Variants in KPNA1 observed in about 807,000 individuals in gnomAD.
KPNA1 encodes the protein karyopherin subunit alpha 1, also known as importin subunit alpha-5.
Under a neutral mutation model 70.5 loss-of-function variants are expected in KPNA1, and 10 were observed. The ratio of observed to expected loss-of-function variants is 0.14; its 90% CI spans 0.09 to 0.24. The LOEUF (loss-of-function observed/expected upper bound fraction) is 0.24, where lower values mean the gene tolerates loss of function less well. Among genes scored for constraint, KPNA1 ranks in the 10% least tolerant of loss-of-function variants. The pLI, the probability that KPNA1 is intolerant of heterozygous loss-of-function variation, is 1.00. For missense variants in KPNA1, 397 were observed against 637.9 expected (o/e 0.62, Z 4.07); for synonymous variants, 192 against 221.9 (o/e 0.87, Z 1.20).
intron 6 of KPNA1, among the ~76,000 whole-genome samples, chr3:122,453,081 T>C (rs1158740614): frequency 6.6e-6 from 1 of 152,070 alleles, no homozygotes; most frequent in Non-Finnish European, 1.5e-5. Context: ...CTCAAGCAGC[T>C]GGGACAACAG....
At chr3:122,499,770 A>G (rs2107501831) in intron 1 of KPNA1, among the ~76,000 whole-genome samples, 1 of 152,144 alleles carries the variant, frequency 6.6e-6, no homozygotes, top group East Asian at 1.9e-4. Context: ...AAGAAAAAAA[A>G]AAAAAAAGAG....
chr3:122,494,276 T>C (rs1315385737), intron 2 of KPNA1, among the ~76,000 whole-genome samples: 2 of 152,220 alleles, frequency 1.3e-5, no homozygotes, highest in African/African-American at 4.8e-5. Context: ...TTTCAGGTTA[T>C]ACATTTAATT....
In KPNA1 at chr3:122,498,673, C is replaced by T. The variant is rs141310785; in HGVS notation, c.-5-2103G>A. On this transcript the variant is annotated intron_variant, in intron 1 of 13. Transcript: ENST00000344337. ...CCATTGCTTCAAAATAAGTTTTGAACTCGAAAAATGTCAGTCTTCTTACTT... is the reference window on the plus strand; with the variant it reads ...CCATTGCTTCAAAATAAGTTTTGAATTCGAAAAATGTCAGTCTTCTTACTT... Among the ~76,000 whole-genome samples, 388 of 152,278 alleles carry T rather than the reference C, an allele frequency of 2.5e-3. 3 individuals carry two copies. The highest frequency in any genetic ancestry group is 9.1e-3 in the African/African-American group (380 of 41,546).
intron 9 of KPNA1, among the ~76,000 whole-genome samples, chr3:122,444,160 A>G (rs1320677703): frequency 7.1e-6 from 1 of 141,274 alleles, no homozygotes; most frequent in Non-Finnish European, 1.6e-5. Context: ...CGCTTTTGCA[A>G]GAAGAGAAAT....
At chr3:122,480,435 C>T (rs1421065136) in intron 2 of KPNA1, among the ~76,000 whole-genome samples, 1 of 146,896 alleles carries the variant, frequency 6.8e-6, no homozygotes, top group Non-Finnish European at 1.5e-5. Flanking sequence ...GAACCAAAAA[C>T]TGCTAAAAAA....
chr3:122,482,447 CAGAT>C (rs2076582514), intron 2 of KPNA1, among the ~76,000 whole-genome samples: 1 of 152,072 alleles, frequency 6.6e-6, no homozygotes, highest in African/African-American at 2.4e-5. Context: ...AGAAATAAAA[CAGAT>C]AGGTCTGTTT....
chr3:122,476,318 C>T (rs780129706), intron 2 of KPNA1, among the ~76,000 whole-genome samples: 2 of 152,100 alleles, frequency 1.3e-5, no homozygotes, highest in Admixed American at 6.6e-5. Flanking sequence ...GAAACTAAGA[C>T]CTGAAACTGT....
rs778813896 is a variant in KPNA1 at position 122,452,047 on chromosome 3, G to A, written c.582C>T (p.Gly194=). ...DVQEQAVWAL[G]NIAGDSTMCR... ...ACATGGTACTATCTCCAGCAATGTT[G>A]CCAAGAGCCCAGACTGCCTGTGAAA... The change falls in exon 7 of 14, where the codon GGC becomes GGT. Residue 194 remains glycine (G), a synonymous_variant. Coordinates refer to ENST00000344337, the MANE Select transcript of KPNA1 (RefSeq NM_002264.4). 1 of 1,609,762 alleles carries A rather than the reference G, an allele frequency of 6.2e-7. No individual in the cohort carries two copies. The highest frequency in any genetic ancestry group is 1.1e-5 in the South Asian group (1 of 90,838).
rs576286466 is a variant in KPNA1 at position 122,475,581 on chromosome 3, CACTG to C, written c.130-8156_130-8153del. On this transcript the variant is annotated intron_variant, in intron 2 of 13. Transcript: ENST00000344337. ...AAAATGAACAGAGGAGGAGGCTTCA[CACTG>C]ACTGATTTCAAAATACAATTGACCC... Among the ~76,000 whole-genome samples, 229 of 152,198 alleles carry C rather than the reference CACTG, an allele frequency of 1.5e-3. 1 individual carries two copies. Among genetic ancestry groups the C allele is most frequent in the African/African-American group, 5.3e-3 (219 of 41,530 alleles).
chr3:122,487,838 C>T (rs573740435), intron 2 of KPNA1, among the ~76,000 whole-genome samples: 1 of 152,200 alleles, frequency 6.6e-6, no homozygotes, highest in Non-Finnish European at 1.5e-5. Context: ...TGTTATATAA[C>T]AATGTGAATA....
chr3:122,513,709 T>A (rs1426210557), intron 1 of KPNA1, among the ~76,000 whole-genome samples: 1 of 151,732 alleles, frequency 6.6e-6, no homozygotes, highest in Non-Finnish European at 1.5e-5. Context: ...TAAGCAACCG[T>A]TTATTTAAGA....
In KPNA1 at chr3:122,423,482, A is replaced by G. The variant is rs965094846; in HGVS notation, c.*3503T>C. ...TCATCCTTAGACACCACAATTTCCA[A>G]TATACTTAAAAACCATCAACCCCTA... On this transcript the variant is annotated 3_prime_UTR_variant, in exon 14 of 14. Coordinates refer to ENST00000344337, the MANE Select transcript of KPNA1 (RefSeq NM_002264.4). 8 of 152,404 alleles carry G rather than the reference A, an allele frequency of 5.2e-5. No individual in the cohort carries two copies. The highest frequency in any genetic ancestry group is 3.9e-4 in the Admixed American group (6 of 15,274). 9.4% of individuals were successfully genotyped at this position (152,404 alleles called of 1,614,324 possible).
intron 2 of KPNA1, among the ~76,000 whole-genome samples, chr3:122,470,521 T>TAAAC (rs930346886): frequency 8.2e-4 from 122 of 149,278 alleles, no homozygotes; most frequent in African/African-American, 2.9e-3. Flanking sequence ...CAAAAATAAA[T>TAAAC]AAACAAATAA....
At chr3:122,433,119 T>A (rs1390406993) in intron 12 of KPNA1, 1 of 152,246 alleles carries the variant, frequency 6.6e-6, no homozygotes, top group Non-Finnish European at 1.5e-5. Flanking sequence ...GCCATTTAAG[T>A]CTTGAGCTGC....
chr3:122,459,378 C>T (rs2076297770), intron 5 of KPNA1: 2 of 975,028 alleles, frequency 2.1e-6, no homozygotes, highest in Admixed American at 6.2e-5. Context: ...CTCATCTACT[C>T]TCATTCCCAG....
At chr3:122,478,263 A>G (rs183975956) in intron 2 of KPNA1, among the ~76,000 whole-genome samples, 1 of 152,220 alleles carries the variant, frequency 6.6e-6, no homozygotes, top group East Asian at 1.9e-4. Flanking sequence ...AAACAAATCT[A>G]AACCACAGGT....
chr3:122,434,062 G>A (rs1417534112), intron 11 of KPNA1, among the ~76,000 whole-genome samples: 3 of 151,870 alleles, frequency 2.0e-5, no homozygotes, highest in Non-Finnish European at 4.4e-5. Flanking sequence ...TCAGCCTCCC[G>A]GGTAGCTGGG....
At chr3:122,467,657 AACTT>A (rs2076396556) in intron 2 of KPNA1, among the ~76,000 whole-genome samples, 1 of 152,120 alleles carries the variant, frequency 6.6e-6, no homozygotes, top group African/African-American at 2.4e-5. Flanking sequence ...GATAATGTAA[AACTT>A]ACTAAGAGAG....
intron 5 of KPNA1, chr3:122,459,382 T>A (rs773781917): frequency 1.0e-5 from 10 of 980,182 alleles, no homozygotes; most frequent in Non-Finnish European, 1.2e-5. Context: ...TCTACTCTCA[T>A]TCCCAGAGAC....
Sources: gnomAD v4.1 joint callset for allele counts (sites outside exome capture counted in the v4.1 genomes callset) on GRCh38, gnomAD v4.1.1 for gene constraint, MANE v1.5 for transcripts, NCBI Gene and HGNC (gene_info 2026-07-23, HGNC 2026-07-21) for gene names.